IL18RAP: variants seen among roughly 807,000 people sequenced by gnomAD.
The protein encoded by IL18RAP is interleukin 18 receptor accessory protein.
A neutral mutation model predicts 58.1 loss-of-function variants in IL18RAP; 37 were observed. That is an observed-to-expected ratio of 0.64 (90% CI 0.49 to 0.84). IL18RAP has a LOEUF of 0.84. Among genes scored for constraint, IL18RAP ranks in the 40% least tolerant of loss-of-function variants. The probability of loss-of-function intolerance (pLI) is 0.00; values close to 1 mark genes in which losing one functional copy is unlikely to be tolerated. For missense variants in IL18RAP, 667 were observed against 704.8 expected, an observed-to-expected ratio of 0.95 and a Z score of 0.61; for synonymous variants, 268 against 257.5, an observed-to-expected ratio of 1.04 and a Z score of -0.39.
chr2:102,441,469 C>A, intron 5 of IL18RAP, 92 bp downstream of exon 5: 1 of 987,960 alleles, frequency 1.0e-6, no homozygotes, highest in South Asian at 1.4e-5. Flanking sequence ...GATTTCCAGT[C>A]AAACAGAATT....
rs766093597 is a variant in IL18RAP, at chr2:102,451,735, C to T, written c.1385-31C>T. The T allele has an allele frequency of 8.3e-6, 13 of 1,568,298 alleles. No homozygotes were observed. In the South Asian group the frequency reaches 1.4e-4, roughly 17 times the overall value. On this transcript the variant is annotated intron_variant, in intron 9 of 9. Transcript: ENST00000687160. ...CTCTGACTCAAGGTTTAACAATATCCATTGCAAATAATCAAATGTTTTATT... is the reference window on the plus strand; with the variant it reads ...CTCTGACTCAAGGTTTAACAATATCTATTGCAAATAATCAAATGTTTTATT...
At chr2:102,446,983 C>G (rs748306316) in intron 7 of IL18RAP, 87 bp from the exon 8 acceptor site, 10 of 1,354,696 alleles carry the variant, frequency 7.4e-6, no homozygotes, top group South Asian at 1.4e-5. Context: ...GGAAAAGGTG[C>G]TGGGTGGGCC....
At chr2:102,446,914 G>A (rs1481288302) in intron 7 of IL18RAP, among the ~76,000 whole-genome samples, 156 bp from the exon 8 acceptor site, 1 of 152,208 alleles carries the variant, frequency 6.6e-6, no homozygotes, top group East Asian at 1.9e-4. Flanking sequence ...GATTTGAGAG[G>A]TTTCCAGATT....
At chr2:102,427,970 T>C (rs1269901687) in intron 3 of IL18RAP, among the ~76,000 whole-genome samples, 2 of 142,662 alleles carry the variant, frequency 1.4e-5, no homozygotes, top group Non-Finnish European at 3.1e-5. Flanking sequence ...CCATTGTGTG[T>C]TCTTGGCATC....
rs149045421 is a variant in IL18RAP at position 102,436,756 on chromosome 2, C to T, written c.580-456C>T. Among the ~76,000 whole-genome samples the T allele has an allele frequency of 3.1e-3, 471 of 151,070 alleles. 3 individuals carry two copies. Among genetic ancestry groups the T allele is most frequent in the South Asian group, 0.02 (96 of 4,790 alleles). ...TTATAAGTATGTATCTGTTTATATA[C>T]GTAAATATATACAATATATGTTATA... On this transcript the variant is annotated intron_variant, in intron 3 of 9. Transcript: ENST00000687160.
At chr2:102,429,257 T>C (rs993358508) in intron 3 of IL18RAP, among the ~76,000 whole-genome samples, 2 of 151,962 alleles carry the variant, frequency 1.3e-5, no homozygotes, top group African/African-American at 4.8e-5. Flanking sequence ...TATTCATTAT[T>C]GGTCTGTTTA....
intron 8 of IL18RAP, among the ~76,000 whole-genome samples, chr2:102,449,791 C>G (rs1217313066): frequency 6.6e-6 from 1 of 152,108 alleles, no homozygotes; most frequent in African/African-American, 2.4e-5. Context: ...GGAATAGAGG[C>G]AACTGTGGTG....
chr2:102,437,377 T>C lies in IL18RAP; in HGVS notation c.730+15T>C, dbSNP rs779816755. 2 of 1,602,624 alleles carry C rather than the reference T, an allele frequency of 1.2e-6. No individual in the cohort carries two copies. The highest frequency in any genetic ancestry group is 1.7e-6 in the Non-Finnish European group (2 of 1,175,832). Reference sequence around the variant, plus strand: ...GAGAACCATTGGTAAGTGAGATTTTTATCTCAAGATTTGAGATCTGAGCAG... The same window carrying C: ...GAGAACCATTGGTAAGTGAGATTTTCATCTCAAGATTTGAGATCTGAGCAG... On this transcript the variant is annotated intron_variant, in intron 4 of 9. Coordinates refer to ENST00000687160, the MANE Select transcript of IL18RAP (RefSeq NM_001393487.1).
intron 4 of IL18RAP, among the ~76,000 whole-genome samples, chr2:102,437,989 G>A (rs2058660): frequency 0.78 from 118,167 of 152,188 alleles, 46,913 homozygotes; most frequent in African/African-American, 0.9. Context: ...AATGCCCTTT[G>A]TTCCCAAATA....
In IL18RAP at chr2:102,441,370, A is replaced by G; in HGVS notation, c.789A>G (p.Val263=). 6.2e-7 allele frequency: 1 copy of G among 1,613,044 alleles called. No individual in the cohort carries two copies. The highest frequency in any genetic ancestry group is 8.5e-7 in the Non-Finnish European group (1 of 1,179,140). Residue 263 remains valine (V), a synonymous_variant, in exon 5 of 10, where the codon GTA becomes GTG. Coordinates refer to ENST00000687160, the MANE Select transcript of IL18RAP (RefSeq NM_001393487.1). ...ATCCTGTCGAGGACACACTGGAAGT[A>G]GAACTTGGTAAGCTGGGCCTCATCG... The part of the protein sequence containing the change: ...ILDPVEDTLE[V]ELGKPLTISC...
intron 3 of IL18RAP, among the ~76,000 whole-genome samples, chr2:102,425,488 G>A (rs558262290): frequency 7.9e-5 from 12 of 152,150 alleles, no homozygotes; most frequent in African/African-American, 2.4e-4. Flanking sequence ...TCAAATTTGT[G>A]TTTTTATATG....
rs1306168819 is a variant in IL18RAP at position 102,445,147 on chromosome 2, T to A, written c.921-42T>A. 4 of 1,585,662 alleles carry A rather than the reference T, an allele frequency of 2.5e-6. No individual in the cohort carries two copies. The Middle Eastern group carries it at 5.0e-4, about 198-fold the overall frequency. ...TCCAAATGCTGCAAATGGGTGTCAA[T>A]GTATGTTACTGAATGGAGTGGTATT... On this transcript the variant is annotated intron_variant, in intron 6 of 9. Transcript: ENST00000687160.
Position 102,424,483 on chromosome 2 carries a change from ATG to A in IL18RAP, c.579+70_579+71del, listed in dbSNP as rs1573261815. The A allele has an allele frequency of 3.3e-5, 46 of 1,404,226 alleles. 1 individual carries two copies. In the East Asian group the frequency reaches 1.1e-3, roughly 32 times the overall value. 87.0% of individuals were successfully genotyped at this position (1,404,226 alleles called of 1,614,324 possible). A position where few individuals can be genotyped will look rare whatever the true frequency, so the allele number is the denominator to read the frequency against. On this transcript the variant is annotated intron_variant, in intron 3 of 9. Coordinates refer to ENST00000687160, the MANE Select transcript of IL18RAP (RefSeq NM_001393487.1). ...ATGGTATCTTCTTCATGGGCTTTTC[ATG>A]GAAAAGCGTGTTTGAGAATCTGAGG...
intron 5 of IL18RAP, among the ~76,000 whole-genome samples, chr2:102,442,604 T>C (rs2104365051): frequency 6.6e-6 from 1 of 152,312 alleles, no homozygotes; most frequent in South Asian, 2.1e-4. Flanking sequence ...CTCCTAGTCA[T>C]TTCATGGTTA....
upstream of IL18RAP, among the ~76,000 whole-genome samples, chr2:102,420,016 G>A (rs763864373): frequency 2.6e-5 from 4 of 152,314 alleles, no homozygotes; most frequent in East Asian, 5.8e-4. Flanking sequence ...GGCTCCTTCC[G>A]ATTCGGTGAA....
At chr2:102,426,311 G>T (rs1681937480) in intron 3 of IL18RAP, among the ~76,000 whole-genome samples, 1 of 151,942 alleles carries the variant, frequency 6.6e-6, no homozygotes, top group Non-Finnish European at 1.5e-5. Context: ...TGCTGACCAG[G>T]GATACACCCA....
At chr2:102,431,196 T>C (rs923307679) in intron 3 of IL18RAP, among the ~76,000 whole-genome samples, 1 of 152,232 alleles carries the variant, frequency 6.6e-6, no homozygotes, top group Non-Finnish European at 1.5e-5. Context: ...CTTTGCTTGG[T>C]TGGCAGTTTG....
chr2:102,421,106 T>C (rs998339613), upstream of IL18RAP, among the ~76,000 whole-genome samples: 2 of 152,222 alleles, frequency 1.3e-5, no homozygotes, highest in Non-Finnish European at 2.9e-5. Context: ...CTAGGCACTA[T>C]TCCTGCAGAG....
Position 102,423,307 on chromosome 2 carries a change from G to C in IL18RAP, c.30G>C (p.Trp10Cys). MLCLGWIFL[W>C]LVAGERIKGF... is the part of the protein sequence containing the mutation. ...TCTGTTTGGGCTGGATATTTCTTTG[G>C]CTTGTTGCAGGAGAGCGAATTAAAG... Residue 10 changes from tryptophan (W) to cysteine (C), a missense_variant, in exon 1 of 10, where the codon TGG becomes TGC. By Grantham distance (215) the Trp-to-Cys change is radical (BLOSUM62 -2). Coordinates refer to ENST00000687160, the MANE Select transcript of IL18RAP (RefSeq NM_001393487.1). The C allele has an allele frequency of 1.2e-6, 2 of 1,614,088 alleles. No homozygotes were observed. Among genetic ancestry groups the C allele is most frequent in the Non-Finnish European group, 1.7e-6 (2 of 1,179,958 alleles).
Sources: gnomAD v4.1 joint callset for allele counts (sites outside exome capture counted in the v4.1 genomes callset) on GRCh38, gnomAD v4.1.1 for gene constraint, MANE v1.5 for transcripts, NCBI Gene and HGNC (gene_info 2026-07-23, HGNC 2026-07-21) for gene names.